NDUFA10: variants seen among roughly 807,000 people sequenced by gnomAD.
The protein encoded by NDUFA10 is NADH:ubiquinone oxidoreductase subunit A10, also known as NADH dehydrogenase [ubiquinone] 1 alpha subcomplex subunit 10, mitochondrial.
Under a neutral mutation model 47.8 loss-of-function variants are expected in NDUFA10, and 40 were observed. That is an observed-to-expected ratio of 0.84 (90% CI 0.65 to 1.09). The LOEUF is 1.09. Ranked by LOEUF, NDUFA10 falls within the 50% of genes least tolerant of loss-of-function variation. The probability of loss-of-function intolerance (pLI) is 0.00; values close to 1 mark genes in which losing one functional copy is unlikely to be tolerated. For synonymous variants in NDUFA10, 183 were observed against 172.2 expected (o/e 1.06, Z -0.49); for missense variants, 413 against 451.1 (o/e 0.92, Z 0.76).
At chr2:239,955,644 T>C (rs773552744), downstream of NDUFA10, among the ~76,000 whole-genome samples, 2 of 152,084 alleles carry the variant, frequency 1.3e-5, no homozygotes, top group African/African-American at 4.8e-5. Flanking sequence ...TGTGTGTGGG[T>C]TGCTGTTGGC....
intron 4 of NDUFA10, among the ~76,000 whole-genome samples, chr2:239,933,962 A>G (rs1271753231): frequency 6.6e-6 from 1 of 152,164 alleles, no homozygotes; most frequent in Non-Finnish European, 1.5e-5. Flanking sequence ...GGCTCAAGCA[A>G]TCCTCCTGCC....
At chr2:239,998,402 C>T (rs941952551) in intron 8 of NDUFA10, among the ~76,000 whole-genome samples, 5 of 152,208 alleles carry the variant, frequency 3.3e-5, no homozygotes, top group Admixed American at 1.3e-4. Flanking sequence ...TCGGATTTGC[C>T]TCCCCTGCCT....
intron 8 of NDUFA10, among the ~76,000 whole-genome samples, chr2:239,999,921 A>G (rs1455930154): frequency 2.0e-5 from 3 of 152,208 alleles, no homozygotes; most frequent in African/African-American, 7.2e-5. Context: ...TCACATATAC[A>G]ATGTGGTCCT....
chr2:239,941,691 C>G (rs1228557107), intron 4 of NDUFA10, among the ~76,000 whole-genome samples: 1 of 150,852 alleles, frequency 6.6e-6, no homozygotes, highest in African/African-American at 2.4e-5. Flanking sequence ...CACCACTGCA[C>G]TCCAGCCTGG....
intron 9 of NDUFA10, among the ~76,000 whole-genome samples, chr2:239,966,928 C>G (rs114516569): frequency 0.016 from 2,204 of 139,658 alleles, 48 homozygotes; most frequent in African/African-American, 0.056. Flanking sequence ...AGTGTGTTCA[C>G]AGAGCTAGAA....
chr2:239,897,883 G>A (rs1210704301), intron 4 of NDUFA10, among the ~76,000 whole-genome samples: 2 of 152,158 alleles, frequency 1.3e-5, no homozygotes, highest in African/African-American at 4.8e-5. Flanking sequence ...AGAAGCACGC[G>A]CATCCCCTGG....
chr2:239,903,217 C>T lies in NDUFA10; in HGVS notation c.295-7903G>A, dbSNP rs556469686. On this transcript the variant is annotated intron_variant, in intron 4 of 5. Transcript: ENST00000419408. ...CGTGCGCTCCTTCCCCACTGAGGAA[C>T]ATTTCTCTAGAAAACCAGACTTCTC... Among the ~76,000 whole-genome samples the T allele has an allele frequency of 8.5e-5, 13 of 152,328 alleles. No homozygotes were observed. The South Asian group carries it at 2.5e-3, about 29-fold the overall frequency.
chr2:240,006,618 T>TA (rs1376751992), intron 7 of NDUFA10, among the ~76,000 whole-genome samples: 1 of 152,204 alleles, frequency 6.6e-6, no homozygotes, highest in African/African-American at 2.4e-5. Context: ...AAATACAAAA[T>TA]AAAAAACTTG....
chr2:239,957,064 G>T (rs1694673381), downstream of NDUFA10, among the ~76,000 whole-genome samples: 1 of 152,188 alleles, frequency 6.6e-6, no homozygotes, highest in Non-Finnish European at 1.5e-5. Flanking sequence ...GTGCCCTGCA[G>T]CTCAGGCCAG....
intron 6 of NDUFA10, among the ~76,000 whole-genome samples, chr2:240,008,167 G>T (rs1005966597): frequency 1.7e-4 from 26 of 152,034 alleles, no homozygotes; most frequent in African/African-American, 6.3e-4. Context: ...GTAGGAAAAA[G>T]AAAAAAGTCT....
rs1694798287 is a variant in NDUFA10, at chr2:239,960,315, G to A, written c.*803C>T. 2 of 985,664 alleles carry A rather than the reference G, an allele frequency of 2.0e-6. No individual in the cohort carries two copies. The highest frequency in any genetic ancestry group is 1.7e-5 in the African/African-American group (1 of 57,362). The allele number at this position is 985,664 out of a possible 1,614,324, so 61.1% of individuals were successfully genotyped here. On this transcript the variant is annotated 3_prime_UTR_variant, in exon 10 of 10. Transcript: ENST00000252711. The stretch of plus-strand genomic sequence containing the variant: ...CTAGGCTTCAACAGAGATGAATAAA[G>A]AAATCTGATTTTCTTTCTCATTTCT...
intron 4 of NDUFA10, among the ~76,000 whole-genome samples, chr2:239,950,045 A>G (rs937086433): frequency 5.3e-5 from 8 of 152,160 alleles, no homozygotes; most frequent in Non-Finnish European, 8.8e-5. Context: ...TAATGGGAGA[A>G]AAATCAGGCC....
intron 8 of NDUFA10, among the ~76,000 whole-genome samples, chr2:240,003,443 G>A (rs1226114353): frequency 6.6e-6 from 1 of 152,204 alleles, no homozygotes; most frequent in African/African-American, 2.4e-5. Flanking sequence ...CAAAGTGTTG[G>A]TGCAGTCTGC....
At chr2:239,964,269 A>G (rs1694973006) in intron 9 of NDUFA10, among the ~76,000 whole-genome samples, 2 of 152,120 alleles carry the variant, frequency 1.3e-5, no homozygotes, top group South Asian at 4.1e-4. Context: ...GTCCTCAGAA[A>G]TCAGAGAAGG....
intron 9 of NDUFA10, among the ~76,000 whole-genome samples, chr2:239,979,406 C>T (rs1695676150): frequency 1.3e-5 from 2 of 152,194 alleles, no homozygotes; most frequent in South Asian, 2.1e-4. Flanking sequence ...AGGGCTCCAC[C>T]GTCCGGTGAG....
intron 5 of NDUFA10, chr2:240,014,290 GGTAA>G (rs1317653892): frequency 7.1e-6 from 2 of 280,546 alleles, no homozygotes; most frequent in Non-Finnish European, 1.4e-5. Context: ...TTCTAGAATT[GGTAA>G]GTAAGAAAAA....
rs1179558054 is a variant in NDUFA10, at chr2:239,960,052, T to C, written c.*1066A>G. On this transcript the variant is annotated 3_prime_UTR_variant, in exon 10 of 10. Transcript: ENST00000252711. ...CCAAGGAACCCAATTTTAAACTCTA[T>C]TACATTTTAGCTCATTTAAATTTCA... 1.8e-5 allele frequency: 18 copies of C among 985,142 alleles called. No individual in the cohort carries two copies. Among genetic ancestry groups the C allele is most frequent in the Admixed American group, 6.1e-5 (1 of 16,288 alleles). 61.0% of individuals were successfully genotyped at this position (985,142 alleles called of 1,614,324 possible).
intron 8 of NDUFA10, among the ~76,000 whole-genome samples, chr2:239,997,370 A>G (rs1696522478): frequency 6.6e-6 from 1 of 152,258 alleles, no homozygotes; most frequent in Non-Finnish European, 1.5e-5. Context: ...TAAATAGCCA[A>G]TAAAAATATA....
downstream of NDUFA10, among the ~76,000 whole-genome samples, chr2:239,957,049 G>C (rs899142818): frequency 6.6e-6 from 1 of 152,220 alleles, no homozygotes; most frequent in African/African-American, 2.4e-5. Context: ...AGTGGGCTCT[G>C]GGGGGTGCCC....
Sources: gnomAD v4.1 joint callset for allele counts (sites outside exome capture counted in the v4.1 genomes callset) on GRCh38, gnomAD v4.1.1 for gene constraint, MANE v1.5 for transcripts, NCBI Gene and HGNC (gene_info 2026-07-23, HGNC 2026-07-21) for gene names.